WDR11: variants seen among roughly 807,000 people sequenced by gnomAD.
WDR11 encodes the protein WD repeat-containing protein 11.
In WDR11, 83 loss-of-function variants were observed where a neutral mutation model predicts 151.2. The observed-to-expected ratio is 0.55, with a 90% CI of 0.46 to 0.66. The LOEUF is 0.66. Among genes scored for constraint, WDR11 ranks in the 30% least tolerant of loss-of-function variants. WDR11 has a pLI of 0.00. For missense variants in WDR11, 1,301 were observed against 1,480.9 expected (o/e 0.88, Z 1.99); for synonymous variants, 484 against 533.1 (o/e 0.91, Z 1.27).
intron 2 of WDR11, among the ~76,000 whole-genome samples, chr10:120,856,571 T>A (rs1432752933): frequency 3.3e-5 from 3 of 91,280 alleles, no homozygotes; most frequent in Non-Finnish European, 6.5e-5. Flanking sequence ...TAAGACTCTG[T>A]CTCCAAAAAA....
In WDR11 at chr10:120,909,486, A is replaced by AACTT. The variant is rs1848208395; in HGVS notation, c.*776_*779dup. ...TGTTGCTGAAAACATAAATGTCTGT[A>AACTT]ACTTACAAACATGATAAATAAATTA... is the stretch of plus-strand genomic sequence containing the variant. On this transcript the variant is annotated 3_prime_UTR_variant, in exon 29 of 29. Transcript: ENST00000263461. The AACTT allele has an allele frequency of 6.5e-6, 1 of 152,722 alleles. No individual in the cohort carries two copies. The highest frequency in any genetic ancestry group is 2.4e-5 in the African/African-American group (1 of 41,464). The allele number at this position is 152,722 out of a possible 1,614,324, so 9.5% of individuals were successfully genotyped here.
rs377066986 is a variant in WDR11 at position 120,869,965 on chromosome 10, T to A, written c.1295-1205T>A. 2.2e-4 allele frequency among the ~76,000 whole-genome samples: 34 copies of A among 152,174 alleles called. No individual in the cohort carries two copies. In the East Asian group the frequency reaches 6.2e-3, roughly 28 times the overall value. On this transcript the variant is annotated intron_variant, in intron 9 of 28. Transcript: ENST00000263461. Reference sequence around the variant, plus strand: ...CCACCACACCCAGCTAATTTTTGTATTTTTAGTAGAGACAGGGTTTCACCA... The same window carrying A: ...CCACCACACCCAGCTAATTTTTGTAATTTTAGTAGAGACAGGGTTTCACCA...
Position 120,862,929 on chromosome 10 carries a change from A to G in WDR11, c.713+8A>G, listed in dbSNP as rs760138183. On this transcript the variant is annotated splice_region_variant and intron_variant, in intron 5 of 28. Coordinates refer to ENST00000263461, the MANE Select transcript of WDR11 (RefSeq NM_018117.12). ...CACTCAAGAGAAACCTAGGTAAGTT[A>G]CAAGTGTAAAATTAACATTCATCTA... 1 of 1,574,970 alleles carries G rather than the reference A, an allele frequency of 6.3e-7. No individual in the cohort carries two copies. The highest frequency in any genetic ancestry group is 8.7e-7 in the Non-Finnish European group (1 of 1,144,450).
chr10:120,863,815 G>A (rs1846218917), intron 5 of WDR11, among the ~76,000 whole-genome samples: 2 of 152,112 alleles, frequency 1.3e-5, no homozygotes, highest in Admixed American at 1.3e-4. Context: ...TTGCACTTGT[G>A]TGTAAGTATC....
Position 120,903,098 on chromosome 10 carries a change from G to T in WDR11, c.2797G>T (p.Ala933Ser), listed in dbSNP as rs1314766690. Reference protein sequence around the residue: ...ESELHFWTVAAHYLHSLSQEK... With the variant: ...ESELHFWTVASHYLHSLSQEK... ...GGAGCTGCACTTCTGGACTGTCGCT[G>T]CCCACTACCTGCACAGCTTATCCCA... The change falls in exon 23 of 29, where the codon GCC (alanine) becomes TCC (serine). Residue 933 changes from alanine (A) to serine (S), a missense_variant. By Grantham distance (99) the Ala-to-Ser change is moderately conservative. This residue lies in a region of WDR11 where 589 missense variants were observed against 670.6 expected (regional missense o/e 0.88). Transcript: ENST00000263461. 5.0e-6 allele frequency: 8 copies of T among 1,614,034 alleles called. No homozygotes were observed. Among genetic ancestry groups the T allele is most frequent in the Non-Finnish European group, 6.8e-6 (8 of 1,180,036 alleles).
intron 1 of WDR11, 114 bp downstream of exon 1, chr10:120,851,620 C>A: frequency 7.8e-7 from 1 of 1,284,894 alleles, no homozygotes; most frequent in Non-Finnish European, 1.1e-6. Flanking sequence ...AGGCAGGGAG[C>A]CGCCCTCACG....
rs1848175612 is a variant in WDR11, at chr10:120,908,789, A to G, written c.*76A>G. The G allele has an allele frequency of 6.5e-7, 1 of 1,533,750 alleles. No individual in the cohort carries two copies. The highest frequency in any genetic ancestry group is 1.4e-5 in the African/African-American group (1 of 73,308). ...CTGGTCTGGCTGTGGCCACCGTCAC[A>G]GTCCAGGATGAAGAGGAGTACAGGG... On this transcript the variant is annotated 3_prime_UTR_variant, in exon 29 of 29. Coordinates refer to ENST00000263461, the MANE Select transcript of WDR11 (RefSeq NM_018117.12).
At chr10:120,868,910 T>C (rs1362290823) in intron 9 of WDR11, 6 of 152,052 alleles carry the variant, frequency 3.9e-5, no homozygotes, top group Non-Finnish European at 5.9e-5. Context: ...TGAGGAAGCC[T>C]GGACACATGT....
In WDR11 at chr10:120,862,609, A is replaced by C. The variant is rs3816173; in HGVS notation, c.527-126A>C. ...AGAGAACATTCCCATTATGTTATGAATGCATAACATTGCCAGTTATATATT... is the reference window on the plus strand; with the variant it reads ...AGAGAACATTCCCATTATGTTATGACTGCATAACATTGCCAGTTATATATT... On this transcript the variant is annotated intron_variant, in intron 4 of 28. Transcript: ENST00000263461. 0.6 allele frequency: 584,401 copies of C among 966,176 alleles called. 179,646 individuals carry two copies. The highest frequency in any genetic ancestry group is 0.81 in the African/African-American group (50,776 of 62,324). The allele number at this position is 966,176 out of a possible 1,614,324, so 59.9% of individuals were successfully genotyped here.
rs749856052 is a variant in WDR11, at chr10:120,905,456, G to A, written c.3291+40G>A. On this transcript the variant is annotated intron_variant, in intron 26 of 28. Coordinates refer to ENST00000263461, the MANE Select transcript of WDR11 (RefSeq NM_018117.12). ...GTTTCAATAGGTGCCCTCAACATTC[G>A]GGATAGAAAGCTCAGTCCTGAACTT... 73 of 1,600,652 alleles carry A rather than the reference G, an allele frequency of 4.6e-5. 1 individual carries two copies. Among genetic ancestry groups the A allele is most frequent in the South Asian group, 8.8e-5 (8 of 90,754 alleles).
Position 120,886,765 on chromosome 10 carries a change from A to G in WDR11, c.2050A>G (p.Ile684Val), listed in dbSNP as rs1847234945. 6.2e-7 allele frequency: 1 copy of G among 1,614,090 alleles called. No homozygotes were observed. Among genetic ancestry groups the G allele is most frequent in the South Asian group, 1.1e-5 (1 of 91,066 alleles). Residue 684 changes from isoleucine (I) to valine (V), a missense_variant, in exon 16 of 29, where the codon ATT (isoleucine) becomes GTT (valine). Coordinates refer to ENST00000263461, the MANE Select transcript of WDR11 (RefSeq NM_018117.12). The part of the protein sequence containing the change: ...SAREHFVFTD[I>V]DGQVYHLTVE... ...CCGGGAACATTTTGTATTTACCGAT[A>G]TTGATGGCCAAGTGTATCATCTCAC...
chr10:120,880,774 T>TC, intron 12 of WDR11, 52 bp from the exon 13 acceptor site: 1 of 1,495,728 alleles, frequency 6.7e-7, no homozygotes, highest in African/African-American at 1.4e-5. Context: ...TTCTTGTTTT[T>TC]CATACATGTT....
chr10:120,894,614 A>C (rs28662479), intron 19 of WDR11, among the ~76,000 whole-genome samples: 7,405 of 152,124 alleles, frequency 0.049, 615 homozygotes, highest in African/African-American at 0.17. Flanking sequence ...GCCATTTCCA[A>C]GTGGTGGAGG....
chr10:120,863,425 T>C (rs1464174088), intron 5 of WDR11, among the ~76,000 whole-genome samples: 1 of 152,190 alleles, frequency 6.6e-6, no homozygotes, highest in Non-Finnish European at 1.5e-5. Flanking sequence ...CTTACTCAAA[T>C]TTCTCTCTCC....
intron 9 of WDR11, among the ~76,000 whole-genome samples, chr10:120,869,402 C>T (rs974523226): frequency 4.6e-5 from 7 of 152,038 alleles, no homozygotes; most frequent in Admixed American, 2.6e-4. Context: ...CGTGAGCCAC[C>T]GCGCCCGGCC....
chr10:120,881,705 C>T (rs531509179), intron 13 of WDR11, among the ~76,000 whole-genome samples: 44 of 151,948 alleles, frequency 2.9e-4, no homozygotes, highest in Non-Finnish European at 6.0e-4. Context: ...CTGATATTGA[C>T]CTTGTGCCTT....
intron 14 of WDR11, among the ~76,000 whole-genome samples, chr10:120,884,691 C>G (rs1163654844): frequency 6.6e-6 from 1 of 151,114 alleles, no homozygotes; most frequent in Non-Finnish European, 1.5e-5. Flanking sequence ...ATACAGAAGA[C>G]ATTTTGGGAA....
In WDR11 at chr10:120,905,530, A is replaced by C. The variant is rs1848005023; in HGVS notation, c.3291+114A>C. 1.8e-5 allele frequency: 19 copies of C among 1,079,782 alleles called. No homozygotes were observed. The South Asian group carries it at 2.1e-4, about 12-fold the overall frequency. 66.9% of individuals were successfully genotyped at this position (1,079,782 alleles called of 1,614,324 possible). On this transcript the variant is annotated intron_variant, in intron 26 of 28. Transcript: ENST00000263461. ...TTTTGGCCTGCAAAGCTGCTTTGCA[A>C]ATACTGTCTTGGAACCTTTATCCTT...
At chr10:120,906,904 A>G (rs971135715) in intron 28 of WDR11, 49 bp downstream of exon 28, 2 of 1,613,596 alleles carry the variant, frequency 1.2e-6, no homozygotes, top group African/African-American at 1.3e-5. Flanking sequence ...AGTGACATGC[A>G]TGGGTTTTGG....
Sources: gnomAD v4.1 joint callset for allele counts (sites outside exome capture counted in the v4.1 genomes callset) on GRCh38, gnomAD v4.1.1 for gene constraint, gnomAD v4.1.1 regional missense constraint, MANE v1.5 for transcripts, NCBI Gene and HGNC (gene_info 2026-07-23, HGNC 2026-07-21) for gene names.